SEMA3A: variants seen among roughly 807,000 people sequenced by gnomAD.
SEMA3A encodes semaphorin 3A.
Under a neutral mutation model 97.9 loss-of-function variants are expected in SEMA3A, and 29 were observed. The ratio of observed to expected loss-of-function variants is 0.30; its 90% CI spans 0.22 to 0.40. SEMA3A has a LOEUF of 0.40. Among genes scored for constraint, SEMA3A ranks in the 10% least tolerant of loss-of-function variants. SEMA3A has a pLI of 1.00. For synonymous variants in SEMA3A, 321 were observed against 323.7 expected, an observed-to-expected ratio of 0.99 and a Z score of 0.09; for missense variants, 763 against 951.3, an observed-to-expected ratio of 0.80 and a Z score of 2.60.
chr7:84,166,555 G>A (rs1157916325), intron 1 of SEMA3A, among the ~76,000 whole-genome samples: 2 of 126,864 alleles, frequency 1.6e-5, no homozygotes, highest in African/African-American at 3.1e-5. Context: ...TGGGCAACAA[G>A]AGCAAAACTC....
chr7:84,405,459 C>T (rs1050145346), intron 1 of SEMA3A, among the ~76,000 whole-genome samples: 2 of 152,122 alleles, frequency 1.3e-5, no homozygotes, highest in African/African-American at 2.4e-5. Flanking sequence ...GACTTTAACA[C>T]CTCACTGTCA....
At chr7:84,438,803 C>A (rs1805200962) in intron 1 of SEMA3A, among the ~76,000 whole-genome samples, 2 of 151,912 alleles carry the variant, frequency 1.3e-5, no homozygotes, top group South Asian at 4.2e-4. Context: ...TTTCACAGTC[C>A]TTGGAAGCCC....
At chr7:84,149,391 T>C (rs2116107874) in intron 1 of SEMA3A, among the ~76,000 whole-genome samples, 1 of 152,296 alleles carries the variant, frequency 6.6e-6, no homozygotes, top group Non-Finnish European at 1.5e-5. Flanking sequence ...CCAGGTTTGG[T>C]TTAAGACCCT....
intron 1 of SEMA3A, among the ~76,000 whole-genome samples, chr7:84,390,642 T>C (rs143416506): frequency 2.6e-5 from 4 of 152,204 alleles, no homozygotes; most frequent in Non-Finnish European, 5.9e-5. Flanking sequence ...TACTGTGAAC[T>C]GAACAACTGA....
intron 2 of SEMA3A, among the ~76,000 whole-genome samples, chr7:84,314,329 A>T (rs1401222844): frequency 1.3e-5 from 2 of 152,130 alleles, no homozygotes; most frequent in African/African-American, 4.8e-5. Flanking sequence ...AAACATTACA[A>T]ACAGACATCC....
At chr7:84,023,993 C>T (rs1308520388) in intron 6 of SEMA3A, among the ~76,000 whole-genome samples, 2 of 133,434 alleles carry the variant, frequency 1.5e-5, no homozygotes, top group African/African-American at 2.9e-5. Flanking sequence ...GCCTGGGCAA[C>T]GGAGCGAGAC....
At chr7:84,203,131 T>G (rs913935338) in intron 3 of SEMA3A, among the ~76,000 whole-genome samples, 2 of 152,122 alleles carry the variant, frequency 1.3e-5, no homozygotes, top group African/African-American at 4.8e-5. Context: ...GATTTTGCAT[T>G]AGGGACTCAG....
rs1788308340 is a variant in SEMA3A at position 83,957,262 on chromosome 7, GC to G, written c.*4108del. The G allele has an allele frequency of 6.6e-6, 1 of 151,990 alleles. No individual in the cohort carries two copies. Among genetic ancestry groups the G allele is most frequent in the Non-Finnish European group, 1.5e-5 (1 of 67,990 alleles). 9.4% of individuals were successfully genotyped at this position (151,990 alleles called of 1,614,324 possible). On this transcript the variant is annotated 3_prime_UTR_variant, in exon 17 of 17. Coordinates refer to ENST00000265362, the MANE Select transcript of SEMA3A (RefSeq NM_006080.3). ...GGATTAGATGATGATAAGTCATCTC[GC>G]TCTGTTTCCTTAATTTCATTGTGAG... is the stretch of plus-strand genomic sequence containing the variant.
At chr7:84,095,358 C>CACATATAT (rs1211794166) in intron 4 of SEMA3A, among the ~76,000 whole-genome samples, 2,044 of 122,810 alleles carry the variant, frequency 0.017, 101 homozygotes, top group African/African-American at 0.061. Flanking sequence ...TTTTTATATA[C>CACATATAT]ATATATATAT....
At chr7:84,489,945 A>C (rs534263047) in intron 1 of SEMA3A, among the ~76,000 whole-genome samples, 5 of 152,164 alleles carry the variant, frequency 3.3e-5, no homozygotes, top group African/African-American at 1.2e-4. Flanking sequence ...TTTCATATGT[A>C]ATAAATACAG....
intron 11 of SEMA3A, 97 bp downstream of exon 11, chr7:84,005,242 G>A (rs1384302496): frequency 1.2e-6 from 1 of 849,710 alleles, no homozygotes; most frequent in African/African-American, 1.7e-5. Context: ...ACTGCACAGA[G>A]GGTTGGCATC....
At chr7:84,250,056 T>C (rs73709791) in intron 3 of SEMA3A, among the ~76,000 whole-genome samples, 2,620 of 152,028 alleles carry the variant, frequency 0.017, 79 homozygotes, top group African/African-American at 0.06. Flanking sequence ...TATAGACTTC[T>C]GAAGTCTTCA....
intron 3 of SEMA3A, among the ~76,000 whole-genome samples, chr7:84,293,506 T>C (rs1314071503): frequency 6.6e-6 from 1 of 152,042 alleles, no homozygotes. Context: ...AAGTATCAAA[T>C]TAATTTTCAG....
intron 1 of SEMA3A, among the ~76,000 whole-genome samples, chr7:84,158,718 T>C (rs1471778131): frequency 6.6e-6 from 1 of 152,184 alleles, no homozygotes; most frequent in Non-Finnish European, 1.5e-5. Flanking sequence ...TCAGAAGAAA[T>C]TAATTAAATG....
At chr7:83,979,450 T>TAAGA (rs1467880331) in intron 14 of SEMA3A, among the ~76,000 whole-genome samples, 1 of 152,148 alleles carries the variant, frequency 6.6e-6, no homozygotes, top group Non-Finnish European at 1.5e-5. Context: ...CATTTTAAAG[T>TAAGA]AAGATAATAG....
At chr7:84,393,758 G>A (rs569563805) in intron 1 of SEMA3A, among the ~76,000 whole-genome samples, 10 of 152,196 alleles carry the variant, frequency 6.6e-5, no homozygotes, top group African/African-American at 2.4e-4. Context: ...ATGAGCCCTT[G>A]GGGTGGTCCC....
intron 1 of SEMA3A, among the ~76,000 whole-genome samples, chr7:84,481,096 A>G (rs560681581): frequency 6.6e-6 from 1 of 152,182 alleles, no homozygotes; most frequent in Non-Finnish European, 1.5e-5. Context: ...GATAAAGCTC[A>G]TGACACTTGA....
intron 4 of SEMA3A, among the ~76,000 whole-genome samples, chr7:84,101,320 A>G (rs1794952707): frequency 6.6e-6 from 1 of 152,144 alleles, no homozygotes; most frequent in Non-Finnish European, 1.5e-5. Flanking sequence ...CTATGACATC[A>G]TTATCCTCCT....
intron 12 of SEMA3A, among the ~76,000 whole-genome samples, chr7:83,996,633 C>CTT (rs1039617630): frequency 6.6e-6 from 1 of 152,082 alleles, no homozygotes; most frequent in African/African-American, 2.4e-5. Flanking sequence ...AAACAAAACA[C>CTT]TTTTTAAAAG....
Sources: allele counts gnomAD v4.1 joint callset (sites outside exome capture counted in the v4.1 genomes callset), GRCh38; gene constraint gnomAD v4.1.1; transcripts MANE v1.5; gene names NCBI Gene and HGNC (gene_info 2026-07-23, HGNC 2026-07-21).